The following NIPBL variants were observed in gnomAD, a reference collection of about 807,000 sequenced individuals.
NIPBL encodes nipped-B-like protein.
Under a neutral mutation model 321.8 loss-of-function variants are expected in NIPBL, and 19 were observed. The observed-to-expected ratio is 0.06, with a 90% CI of 0.04 to 0.09. The LOEUF (loss-of-function observed/expected upper bound fraction) is 0.09, where lower values mean the gene tolerates loss of function less well. NIPBL is among the 10% of genes least tolerant of loss of function. The pLI is 1.00. For missense variants in NIPBL, 2,210 were observed against 3,327.0 expected (o/e 0.66, Z 8.26); for synonymous variants, 1,106 against 1,114.1 (o/e 0.99, Z 0.14).
At chr5:36,896,630 C>T (rs185619479) in intron 1 of NIPBL, among the ~76,000 whole-genome samples, 19 of 152,228 alleles carry the variant, frequency 1.2e-4, no homozygotes, top group East Asian at 1.9e-4. Context: ...GACAAACTCT[C>T]GCTATATGGC....
At chr5:37,001,115 A>T in intron 14 of NIPBL, 37 bp downstream of exon 14, 1 of 1,347,408 alleles carries the variant, frequency 7.4e-7, no homozygotes, top group Non-Finnish European at 1.1e-6. Context: ...ACATACTCTA[A>T]GTGTCTTAAC....
At chr5:36,913,491 G>A (rs1748213887) in intron 1 of NIPBL, among the ~76,000 whole-genome samples, 1 of 151,068 alleles carries the variant, frequency 6.6e-6, no homozygotes, top group East Asian at 2.0e-4. Flanking sequence ...CTGGGCTCAA[G>A]CCATCCACCT....
intron 6 of NIPBL, among the ~76,000 whole-genome samples, chr5:36,963,451 G>T (rs1741852620): frequency 1.3e-5 from 2 of 151,960 alleles, no homozygotes; most frequent in Non-Finnish European, 2.9e-5. Flanking sequence ...GAAATATTAG[G>T]TTGAGCTTTT....
At chr5:36,963,731 G>A (rs1319891588) in intron 6 of NIPBL, among the ~76,000 whole-genome samples, 1 of 152,130 alleles carries the variant, frequency 6.6e-6, no homozygotes, top group Non-Finnish European at 1.5e-5. Context: ...CAAGACTGCA[G>A]TGAGTCATGA....
chr5:36,975,737 A>T, intron 8 of NIPBL, 39 bp from the exon 9 acceptor site: 1 of 1,602,854 alleles, frequency 6.2e-7, no homozygotes, highest in Non-Finnish European at 8.5e-7. Flanking sequence ...AAAATGTGAA[A>T]CCACCACAAC....
chr5:37,007,948 G>C, intron 18 of NIPBL, 60 bp from the exon 19 acceptor site: 1 of 1,003,728 alleles, frequency 1.0e-6, no homozygotes, highest in East Asian at 2.4e-5. Flanking sequence ...AATTTAGTAA[G>C]ATAGAATGTT....
At chr5:36,932,047 C>T (rs1056035423) in intron 1 of NIPBL, among the ~76,000 whole-genome samples, 19 of 151,880 alleles carry the variant, frequency 1.3e-4, no homozygotes, top group African/African-American at 4.6e-4. Flanking sequence ...CTTCTTTGAC[C>T]CATTGATTTT....
chr5:36,934,481 A>G (rs1253733645), intron 1 of NIPBL, among the ~76,000 whole-genome samples: 1 of 152,162 alleles, frequency 6.6e-6, no homozygotes, highest in African/African-American at 2.4e-5. Flanking sequence ...AATAGAGGAT[A>G]GATAGATTTT....
At chr5:36,944,366 C>T (rs1482677727) in intron 1 of NIPBL, among the ~76,000 whole-genome samples, 2 of 151,978 alleles carry the variant, frequency 1.3e-5, no homozygotes, top group African/African-American at 2.4e-5. Flanking sequence ...CTTTCATGTG[C>T]TTTATTAATG....
intron 32 of NIPBL, among the ~76,000 whole-genome samples, chr5:37,029,123 A>G (rs1235047182): frequency 6.6e-6 from 1 of 152,144 alleles, no homozygotes; most frequent in African/African-American, 2.4e-5. Context: ...GCACATATCT[A>G]GTTGTCTCAT....
intron 1 of NIPBL, among the ~76,000 whole-genome samples, chr5:36,953,252 C>G (rs1484317364): frequency 6.6e-6 from 1 of 152,126 alleles, no homozygotes; most frequent in East Asian, 1.9e-4. Flanking sequence ...CAGTGCTTGT[C>G]GAGGTTGATC....
chr5:36,967,544 A>G (rs1263026860), intron 6 of NIPBL, among the ~76,000 whole-genome samples: 2 of 152,208 alleles, frequency 1.3e-5, no homozygotes, highest in East Asian at 1.9e-4. Flanking sequence ...TTAAATTACA[A>G]TCTGGATACC....
chr5:37,015,432 A>G (rs769833642), intron 22 of NIPBL, among the ~76,000 whole-genome samples: 4 of 150,468 alleles, frequency 2.7e-5, no homozygotes, highest in Non-Finnish European at 4.4e-5. Context: ...CCCAGCCTCC[A>G]TAAGAATTTA....
rs569520353 is a variant in NIPBL at position 36,992,672 on chromosome 5, A to G, written c.3122-2950A>G. On this transcript the variant is annotated intron_variant, in intron 10 of 46. Coordinates refer to ENST00000282516, the MANE Select transcript of NIPBL (RefSeq NM_133433.4). ...GAGTTATCCAGATCCTTGATGTCAT[A>G]TTGAAGATCTCAGGCCTGAATATGG... is the stretch of plus-strand genomic sequence containing the variant. 3.3e-3 allele frequency among the ~76,000 whole-genome samples: 507 copies of G among 152,038 alleles called. 2 individuals are homozygous for G. Among genetic ancestry groups the G allele is most frequent in the African/African-American group, 0.012 (487 of 41,494 alleles).
At chr5:37,027,986 A>C (rs1472462249) in intron 32 of NIPBL, among the ~76,000 whole-genome samples, 1 of 152,064 alleles carries the variant, frequency 6.6e-6, no homozygotes, top group African/African-American at 2.4e-5. Context: ...CTTTCTTTCC[A>C]GATAATTTTT....
chr5:37,037,197 C>G (rs1751791852), intron 33 of NIPBL, among the ~76,000 whole-genome samples: 1 of 151,216 alleles, frequency 6.6e-6, no homozygotes, highest in Non-Finnish European at 1.5e-5. Flanking sequence ...ACCATCCTGG[C>G]TAACACAATG....
chr5:37,052,682 T>A (rs1753694643), intron 42 of NIPBL, 116 bp downstream of exon 42: 1 of 790,052 alleles, frequency 1.3e-6, no homozygotes, highest in Admixed American at 2.5e-5. Context: ...CTTCATTAAG[T>A]GTTTTCTTAA....
chr5:36,960,052 A>G (rs1227894724), intron 4 of NIPBL, among the ~76,000 whole-genome samples: 5 of 152,180 alleles, frequency 3.3e-5, no homozygotes, highest in Non-Finnish European at 7.3e-5. Flanking sequence ...GGCAATGCAG[A>G]GAGACCCTGT....
chr5:36,886,061 G>A lies in NIPBL; in HGVS notation c.-80+8883G>A, dbSNP rs1212394708. On this transcript the variant is annotated intron_variant, in intron 1 of 46. Transcript: ENST00000282516. The stretch of plus-strand genomic sequence containing the variant: ...CACCACAGTGGTCACCACTCAGTCC[G>A]CGCAGGTCGGAGCTGCTGAGATGAC... The A allele has an allele frequency of 8.1e-5, 57 of 703,698 alleles. No homozygotes were observed. The Admixed American group carries it at 9.9e-4, about 12-fold the overall frequency. 43.6% of individuals were successfully genotyped at this position (703,698 alleles called of 1,614,324 possible).
Sources: gnomAD v4.1 joint callset for allele counts (sites outside exome capture counted in the v4.1 genomes callset) on GRCh38, gnomAD v4.1.1 for gene constraint, MANE v1.5 for transcripts, NCBI Gene and HGNC (gene_info 2026-07-23, HGNC 2026-07-21) for gene names.